DLC1: variants seen among roughly 807,000 people sequenced by gnomAD.
DLC1 encodes rho GTPase-activating protein 7.
A neutral mutation model predicts 140.3 loss-of-function variants in DLC1; 54 were observed. That is an observed-to-expected ratio of 0.38 (90% CI 0.31 to 0.48). DLC1 has a LOEUF of 0.48. Among genes scored for constraint, DLC1 ranks in the 20% least tolerant of loss-of-function variants. The pLI is 0.96. For missense variants in DLC1, 2,536 were observed against 1,907.0 expected, an observed-to-expected ratio of 1.33 and a Z score of -6.14; for synonymous variants, 986 against 728.1, an observed-to-expected ratio of 1.35 and a Z score of -5.70.
In DLC1 at chr8:13,207,544, GAGAA is replaced by G. The variant is rs573841581; in HGVS notation, c.1349-91891_1349-91888del. Among the ~76,000 whole-genome samples the G allele has an allele frequency of 3.1e-3, 470 of 152,186 alleles. 2 individuals carry two copies. Among genetic ancestry groups the G allele is most frequent in the Middle Eastern group, 0.02 (6 of 294 alleles). ...AAAGTTATTCATTATAACATTTATA[GAGAA>G]AGAAAGTTTCTTTTGGCCCTATTAA... On this transcript the variant is annotated intron_variant, in intron 5 of 17. Transcript: ENST00000276297.
At chr8:13,332,954 T>C (rs1833663118) in intron 4 of DLC1, among the ~76,000 whole-genome samples, 1 of 152,084 alleles carries the variant, frequency 6.6e-6, no homozygotes, top group Admixed American at 6.5e-5. Flanking sequence ...TTAAAGAAAA[T>C]AAAATTTATG....
chr8:13,274,970 C>T (rs1450937978), intron 5 of DLC1, among the ~76,000 whole-genome samples: 2 of 152,164 alleles, frequency 1.3e-5, no homozygotes, highest in South Asian at 2.1e-4. Flanking sequence ...TGAGATCATA[C>T]ACCTTAAAGA....
chr8:13,342,629 G>C (rs1270613239), intron 4 of DLC1: 2 of 152,140 alleles, frequency 1.3e-5, no homozygotes, highest in East Asian at 3.9e-4. Flanking sequence ...GGAAATTCAA[G>C]GAATTGGGAC....
intron 5 of DLC1, among the ~76,000 whole-genome samples, chr8:13,125,612 T>G (rs1821484601): frequency 6.6e-6 from 1 of 152,132 alleles, no homozygotes; most frequent in Non-Finnish European, 1.5e-5. Flanking sequence ...GCTACCCAGC[T>G]CTCATCCCCA....
intron 2 of DLC1, among the ~76,000 whole-genome samples, chr8:13,468,958 C>A (rs1419752516): frequency 1.3e-5 from 2 of 151,570 alleles, no homozygotes; most frequent in African/African-American, 4.8e-5. Flanking sequence ...ATAGCTGGGA[C>A]TGCAGGCATG....
chr8:13,601,961 A>T (rs1192398949), intron 1 of DLC1, among the ~76,000 whole-genome samples: 1 of 151,838 alleles, frequency 6.6e-6, no homozygotes, highest in Non-Finnish European at 1.5e-5. Context: ...TCCAATTAAA[A>T]TATATGGCAT....
chr8:13,202,340 GATAC>G (rs1311678101), intron 5 of DLC1, among the ~76,000 whole-genome samples: 1 of 152,124 alleles, frequency 6.6e-6, no homozygotes, highest in Non-Finnish European at 1.5e-5. Context: ...GTGATGTTTT[GATAC>G]ATACGTACAT....
intron 5 of DLC1, among the ~76,000 whole-genome samples, chr8:13,275,484 C>T: frequency 6.6e-6 from 1 of 152,140 alleles, no homozygotes; most frequent in East Asian, 1.9e-4. Flanking sequence ...ACTTAGAGAG[C>T]AAACAAGAAG....
At chr8:13,090,202 C>G (rs767862000) in intron 15 of DLC1, 50 bp downstream of exon 15, 37 of 1,561,472 alleles carry the variant, frequency 2.4e-5, no homozygotes, top group Non-Finnish European at 3.2e-5. Flanking sequence ...CTGATGGACC[C>G]AAGCTTCGAC....
chr8:13,385,394 G>A (rs1416715997), intron 4 of DLC1, among the ~76,000 whole-genome samples: 1 of 152,134 alleles, frequency 6.6e-6, no homozygotes, highest in Non-Finnish European at 1.5e-5. Context: ...GATTATACCA[G>A]CTGGCTAAAG....
Position 13,419,742 on chromosome 8 carries a change from A to T in DLC1, c.1024-18123T>A, listed in dbSNP as rs529261773. ...GCTGGCCTCATAAAATGAGTTAGGG[A>T]GGATTCTCTCTTTTTCTATTGATTG... On this transcript the variant is annotated intron_variant, in intron 2 of 17. Coordinates refer to ENST00000276297, the MANE Select transcript of DLC1 (RefSeq NM_182643.3). Among the ~76,000 whole-genome samples, 271 of 152,236 alleles carry T rather than the reference A, an allele frequency of 1.8e-3. 1 individual carries two copies. The highest frequency in any genetic ancestry group is 6.3e-3 in the African/African-American group (263 of 41,544).
At chr8:13,086,883 G>C (rs1211067792) in intron 16 of DLC1, among the ~76,000 whole-genome samples, 1 of 151,958 alleles carries the variant, frequency 6.6e-6, no homozygotes, top group East Asian at 1.9e-4. Flanking sequence ...ATATTAGCCG[G>C]GCATGGTGGT....
At chr8:13,540,472 C>T (rs974344293) in intron 1 of DLC1, among the ~76,000 whole-genome samples, 3 of 152,070 alleles carry the variant, frequency 2.0e-5, no homozygotes, top group Non-Finnish European at 4.4e-5. Context: ...TTATTAACGT[C>T]CGATATTAAA....
intron 1 of DLC1, among the ~76,000 whole-genome samples, chr8:13,563,974 A>C (rs541692205): frequency 6.6e-6 from 1 of 152,330 alleles, no homozygotes; most frequent in Non-Finnish European, 1.5e-5. Flanking sequence ...CAAGAAAAAT[A>C]TTACAACACT....
intron 4 of DLC1, among the ~76,000 whole-genome samples, chr8:13,378,883 T>C (rs1025940262): frequency 6.6e-6 from 1 of 152,154 alleles, no homozygotes; most frequent in Non-Finnish European, 1.5e-5. Context: ...CTTAAACCAA[T>C]TAATGGGTTA....
Position 13,099,476 on chromosome 8 carries a change from A to G in DLC1, c.2861T>C (p.Val954Ala). 2 of 1,614,136 alleles carry G rather than the reference A, an allele frequency of 1.2e-6. No individual in the cohort carries two copies. The highest frequency in any genetic ancestry group is 3.3e-4 in the Middle Eastern group (2 of 6,062). ...PSSPKQIHLD[V>A]DNDRTTPSDL... ...GCTGGGTGTGGTTCGGTCGTTGTCC[A>G]CATCCAGGTGTATCTGTTTTGGAGA... The change falls in exon 9 of 18, where the codon GTG becomes GCG. Residue 954 changes from valine (V) to alanine (A), a missense_variant. Val to Ala is a moderately conservative substitution (Grantham distance 64). Coordinates refer to ENST00000276297, the MANE Select transcript of DLC1 (RefSeq NM_182643.3).
chr8:13,382,975 T>A (rs1042776853), intron 4 of DLC1, among the ~76,000 whole-genome samples: 11 of 152,136 alleles, frequency 7.2e-5, no homozygotes, highest in African/African-American at 2.7e-4. Context: ...TACACAAAGT[T>A]GAAAGAGATC....
intron 2 of DLC1, among the ~76,000 whole-genome samples, chr8:13,467,704 C>T (rs1234337150): frequency 6.6e-6 from 1 of 152,152 alleles, no homozygotes; most frequent in Admixed American, 6.5e-5. Flanking sequence ...GCATTCCAGC[C>T]TGGGTAACAC....
At chr8:13,193,749 C>T (rs1826894309) in intron 5 of DLC1, among the ~76,000 whole-genome samples, 1 of 152,100 alleles carries the variant, frequency 6.6e-6, no homozygotes, top group Non-Finnish European at 1.5e-5. Flanking sequence ...TTTGGTATCC[C>T]TTCTGAAATT....
Sources: allele counts gnomAD v4.1 joint callset (sites outside exome capture counted in the v4.1 genomes callset), GRCh38; gene constraint gnomAD v4.1.1; transcripts MANE v1.5; gene names NCBI Gene and HGNC (gene_info 2026-07-23, HGNC 2026-07-21).